The following ATRX variants were observed in gnomAD, a reference collection of about 807,000 sequenced individuals.
ATRX encodes the protein chromatin remodeler ATRX.
Under a neutral mutation model 172.6 loss-of-function variants are expected in ATRX, and 12 were observed. The observed-to-expected ratio is 0.07, with a 90% CI of 0.04 to 0.11. ATRX has a LOEUF of 0.11. ATRX is among the 10% of genes least tolerant of loss of function. The pLI is 1.00. For synonymous variants in ATRX, 674 were observed against 594.7 expected (o/e 1.13, Z -1.94); for missense variants, 1,368 against 1,767.4 (o/e 0.77, Z 4.05).
At chrX:77,734,514 T>C (rs998249050) in intron 1 of ATRX, among the ~76,000 whole-genome samples, 7 of 111,750 alleles carry the variant, frequency 6.3e-5, no homozygotes, top group African/African-American at 9.7e-5. Context: ...AGGCTGGGCA[T>C]GGTGGCTCAT....
chrX:77,697,492 G>T, intron 4 of ATRX, 91 bp downstream of exon 4: 1 of 896,626 alleles, frequency 1.1e-6, no homozygotes, highest in Non-Finnish European at 1.6e-6. Flanking sequence ...CAGAATAGTG[G>T]TTGACATGAG....
At chrX:77,751,671 C>T (rs1557187679) in intron 1 of ATRX, among the ~76,000 whole-genome samples, 1 of 111,984 alleles carries the variant, frequency 8.9e-6, no homozygotes, top group Non-Finnish European at 1.9e-5. Flanking sequence ...AGTCTTTAAT[C>T]GATCTTGAGT....
intron 2 of ATRX, among the ~76,000 whole-genome samples, chrX:77,708,537 C>G (rs1162904615): frequency 9.0e-6 from 1 of 111,181 alleles, no homozygotes; most frequent in Non-Finnish European, 1.9e-5. Context: ...TGGCGCACGC[C>G]TATAATCCCA....
chrX:77,625,173 G>A (rs1261151789), intron 19 of ATRX, among the ~76,000 whole-genome samples: 1 of 111,977 alleles, frequency 8.9e-6, no homozygotes, highest in Admixed American at 9.5e-5. Flanking sequence ...AATGGTGCTG[G>A]GATAATTGGC....
At chrX:77,558,939 T>A in intron 28 of ATRX, 93 bp from the exon 29 acceptor site, 1 of 712,465 alleles carries the variant, frequency 1.4e-6, no homozygotes, top group Non-Finnish European at 2.1e-6. Context: ...AGTTTTTTTT[T>A]AACTATCAAG....
intron 12 of ATRX, among the ~76,000 whole-genome samples, chrX:77,660,089 C>T (rs187388249): frequency 1.8e-5 from 2 of 111,767 alleles, no homozygotes; most frequent in East Asian, 5.6e-4. Flanking sequence ...TTTAATAAAG[C>T]AAATCTCAAA....
intron 2 of ATRX, among the ~76,000 whole-genome samples, chrX:77,716,109 A>AT (rs1557164558): frequency 6.5e-4 from 44 of 67,925 alleles, no homozygotes; most frequent in African/African-American, 1.2e-3. Flanking sequence ...TGTCTCTAAA[A>AT]ATTTTTTTTT....
Position 77,635,967 on chromosome X carries a change from T to C in ATRX, c.4647A>G (p.Leu1549=), listed in dbSNP as rs782303976. ...LDEDEETKEP[L]VQVHRNMVIK... The stretch of plus-strand genomic sequence containing the variant: ...TAACCATATTTCTATGAACCTGCAC[T>C]AAAGGTTCTTTGGTTTCTTCATCTT... The change falls in exon 16 of 35, where the codon TTA becomes TTG. Residue 1549 remains leucine (L), a synonymous_variant. Transcript: ENST00000373344. The C allele has an allele frequency of 5.8e-6, 7 of 1,208,380 alleles. No homozygotes were observed. Among genetic ancestry groups the C allele is most frequent in the Non-Finnish European group, 7.8e-6 (7 of 892,771 alleles).
Position 77,735,635 on chromosome X carries a change from T to TAAATAAAA in ATRX, c.21-18393_21-18392insTTTTATTT, listed in dbSNP as rs1271846022. On this transcript the variant is annotated intron_variant, in intron 1 of 34. Transcript: ENST00000373344. ...ATAAATAAATAAATAAATAAATAAA[T>TAAATAAAA]AAAAATAAATACAAAAATCAGACGG... Among the ~76,000 whole-genome samples the TAAATAAAA allele has an allele frequency of 2.2e-3, 165 of 76,629 alleles. 4 individuals are homozygous for TAAATAAAA. The highest frequency in any genetic ancestry group is 0.016 in the Middle Eastern group (2 of 124). The allele number at this position is 76,629 out of a possible 115,157, so 66.5% of individuals were successfully genotyped here. A position where few individuals can be genotyped will look rare whatever the true frequency, so the allele number is the denominator to read the frequency against.
At chrX:77,733,354 A>C (rs2074381662) in intron 1 of ATRX, among the ~76,000 whole-genome samples, 1 of 111,424 alleles carries the variant, frequency 9.0e-6, no homozygotes, top group Non-Finnish European at 1.9e-5. Flanking sequence ...AAACTATACT[A>C]AGCAGAAAGA....
intron 15 of ATRX, 131 bp downstream of exon 15, chrX:77,651,983 G>T: frequency 1.6e-6 from 1 of 612,556 alleles, no homozygotes. Context: ...GTTGACTCAC[G>T]CCTGTAATCC....
intron 1 of ATRX, among the ~76,000 whole-genome samples, chrX:77,779,662 G>A (rs188374377): frequency 7.2e-4 from 81 of 112,299 alleles, no homozygotes; most frequent in African/African-American, 2.6e-3. Context: ...TAAGATGGCA[G>A]GAATTTTATT....
intron 21 of ATRX, among the ~76,000 whole-genome samples, 183 bp from the exon 22 acceptor site, chrX:77,616,913 T>C (rs1169665068): frequency 1.8e-5 from 2 of 112,017 alleles, no homozygotes; most frequent in East Asian, 5.6e-4. Context: ...ATGTATTTCA[T>C]ATGACTATAC....
chrX:77,506,161 CAACT>C lies in ATRX; in HGVS notation c.*2186_*2189del, dbSNP rs1557032884. On this transcript the variant is annotated 3_prime_UTR_variant, in exon 35 of 35. Transcript: ENST00000373344. ...TTAAATCATCATTTTTAATCCATTGCAACTATTTAAAACATCTAAAACAAATATA... is the reference window on the plus strand; with the variant it reads ...TTAAATCATCATTTTTAATCCATTGCATTTAAAACATCTAAAACAAATATA... 1 of 170,807 alleles carries C rather than the reference CAACT, an allele frequency of 5.9e-6. No individual in the cohort carries two copies. 14.1% of individuals were successfully genotyped at this position (170,807 alleles called of 1,213,427 possible). A position where few individuals can be genotyped will look rare whatever the true frequency, so the allele number is the denominator to read the frequency against.
At chrX:77,601,479 TAA>T (rs577604717) in intron 22 of ATRX, among the ~76,000 whole-genome samples, 19 of 89,680 alleles carry the variant, frequency 2.1e-4, no homozygotes, top group Non-Finnish European at 1.4e-4. Context: ...CCTTGTCTCT[TAA>T]AAAAAAAAAA....
At chrX:77,746,460 C>T (rs1312523470) in intron 1 of ATRX, among the ~76,000 whole-genome samples, 1 of 111,742 alleles carries the variant, frequency 8.9e-6, no homozygotes, top group Non-Finnish European at 1.9e-5. Context: ...TGTAACCTAA[C>T]AATATCACAG....
intron 2 of ATRX, among the ~76,000 whole-genome samples, chrX:77,705,714 G>GA (rs1557156635): frequency 1.8e-5 from 2 of 111,747 alleles, no homozygotes; most frequent in Non-Finnish European, 1.9e-5. Flanking sequence ...TCTCTACCAA[G>GA]AAAAAACAAA....
At chrX:77,591,844 G>A (rs782651854) in intron 26 of ATRX, among the ~76,000 whole-genome samples, 1 of 111,915 alleles carries the variant, frequency 8.9e-6, no homozygotes, top group Admixed American at 9.5e-5. Context: ...TTATTAAATT[G>A]GAATTAATCT....
intron 26 of ATRX, among the ~76,000 whole-genome samples, chrX:77,592,838 A>G (rs2066325108): frequency 9.0e-6 from 1 of 110,679 alleles, no homozygotes; most frequent in Non-Finnish European, 1.9e-5. Flanking sequence ...ATGTTTTTGG[A>G]AAAGTAATTT....
Sources: gnomAD v4.1 joint callset for allele counts (sites outside exome capture counted in the v4.1 genomes callset) on GRCh38, gnomAD v4.1.1 for gene constraint, MANE v1.5 for transcripts, NCBI Gene and HGNC (gene_info 2026-07-23, HGNC 2026-07-21) for gene names.